RNF126: variants seen among roughly 807,000 people sequenced by gnomAD.
RNF126 encodes ring finger protein 126.
Under a neutral mutation model 41.9 loss-of-function variants are expected in RNF126, and 20 were observed. The ratio of observed to expected loss-of-function variants is 0.48; its 90% CI spans 0.34 to 0.69. The LOEUF is 0.69. Among genes scored for constraint, RNF126 ranks in the 30% least tolerant of loss-of-function variants. RNF126 has a pLI of 0.01. For synonymous variants in RNF126, 239 were observed against 202.9 expected, an observed-to-expected ratio of 1.18 and a Z score of -1.51; for missense variants, 433 against 460.6, an observed-to-expected ratio of 0.94 and a Z score of 0.55.
At chr19:660,638 A>C (rs1242368723) in intron 1 of RNF126, among the ~76,000 whole-genome samples, 1 of 152,090 alleles carries the variant, frequency 6.6e-6, no homozygotes. Flanking sequence ...CAGCATAAAA[A>C]ATTCGTTTTT....
intron 1 of RNF126, among the ~76,000 whole-genome samples, chr19:657,793 C>G (rs1054141364): frequency 2.0e-5 from 3 of 152,198 alleles, no homozygotes; most frequent in Non-Finnish European, 4.4e-5. Flanking sequence ...GCTCTGGTCA[C>G]GAAGGCAAGT....
chr19:648,546 G>T, intron 7 of RNF126, 59 bp from the exon 8 acceptor site: 1 of 1,357,238 alleles, frequency 7.4e-7, no homozygotes, highest in Non-Finnish European at 1.0e-6. Context: ...AGCCTTCAAG[G>T]GCAGGCTACT....
In RNF126 at chr19:650,300, G is replaced by A. The variant is rs778642525; in HGVS notation, c.444-4C>T. On this transcript the variant is annotated splice_polypyrimidine_tract_variant and splice_region_variant and intron_variant, in intron 4 of 8. Coordinates refer to ENST00000292363, the MANE Select transcript of RNF126 (RefSeq NM_194460.3). ...GTTGACGAGCTGCTGGATGATCCTG[G>A]AAAAGAGAGCGCCAGTCACGGGGTG... 2 of 1,576,982 alleles carry A rather than the reference G, an allele frequency of 1.3e-6. No homozygotes were observed. Among genetic ancestry groups the A allele is most frequent in the Non-Finnish European group, 8.6e-7 (1 of 1,162,304 alleles).
In RNF126 at chr19:663,037, C is replaced by T. The variant is rs1396244201; in HGVS notation, c.75+10G>A. ...GACCCTGCCGCCCGCCGCCCCGGCC[C>T]GGGCCTCACCGGCAGGCGCGGGACG... On this transcript the variant is annotated intron_variant, in intron 1 of 8. Transcript: ENST00000292363. 11 of 1,352,128 alleles carry T rather than the reference C, an allele frequency of 8.1e-6. No homozygotes were observed. Among genetic ancestry groups the T allele is most frequent in the African/African-American group, 1.5e-5 (1 of 65,284 alleles). The allele number at this position is 1,352,128 out of a possible 1,614,324, so 83.8% of individuals were successfully genotyped here.
At chr19:656,983 C>G (rs1425683556) in intron 1 of RNF126, among the ~76,000 whole-genome samples, 3 of 152,172 alleles carry the variant, frequency 2.0e-5, no homozygotes, top group Non-Finnish European at 4.4e-5. Flanking sequence ...GGAGGGGTAG[C>G]TCAGGGCTCA....
chr19:661,708 G>C (rs368767739), intron 1 of RNF126, among the ~76,000 whole-genome samples: 2 of 152,164 alleles, frequency 1.3e-5, no homozygotes, highest in African/African-American at 4.8e-5. Context: ...TCTACTCCCG[G>C]GGAACTGCAC....
chr19:659,576 C>A lies in RNF126; in HGVS notation c.75+3471G>T, dbSNP rs562923821. Among the ~76,000 whole-genome samples the A allele has an allele frequency of 1.3e-5, 2 of 152,262 alleles. No individual in the cohort carries two copies. Among genetic ancestry groups the A allele is most frequent in the South Asian group, 2.1e-4 (1 of 4,824 alleles). ...CGCCTGGTTCCTGGGGGCTCAGTGCCCTCAGCAGCTCTCGCCCACACCCTA... is the reference window on the plus strand; with the variant it reads ...CGCCTGGTTCCTGGGGGCTCAGTGCACTCAGCAGCTCTCGCCCACACCCTA... On this transcript the variant is annotated intron_variant, in intron 1 of 8. Coordinates refer to ENST00000292363, the MANE Select transcript of RNF126 (RefSeq NM_194460.3). The surrounding 1 kb of genome is among the most constrained non-coding windows in gnomAD (Gnocchi z 4.9).
chr19:662,981 G>A (rs1353401068), intron 1 of RNF126, 66 bp downstream of exon 1: 3 of 794,682 alleles, frequency 3.8e-6, no homozygotes, highest in Non-Finnish European at 3.4e-6. Context: ...CCCCCACCCC[G>A]GCCCCGGCCT....
At chr19:650,383 G>T in intron 4 of RNF126, 87 bp from the exon 5 acceptor site, 2 of 1,156,086 alleles carry the variant, frequency 1.7e-6, no homozygotes, top group Non-Finnish European at 2.5e-6. Context: ...TGAGCACCAA[G>T]GGCAGGGCCA....
In RNF126 at chr19:647,984, G is replaced by A. The variant is rs761620713; in HGVS notation, c.*144C>T. On this transcript the variant is annotated 3_prime_UTR_variant, in exon 9 of 9. Transcript: ENST00000292363. ...GCCAGGGGGCCGGTGGGCCGGGCCC[G>A]GGTCCTGCCCTGGAACAGGCGGGAC... 55 of 1,050,084 alleles carry A rather than the reference G, an allele frequency of 5.2e-5. No homozygotes were observed. The highest frequency in any genetic ancestry group is 6.4e-5 in the African/African-American group (4 of 62,132). 65.0% of individuals were successfully genotyped at this position (1,050,084 alleles called of 1,614,324 possible).
Position 649,222 on chromosome 19 carries a change from G to GGT in RNF126, c.577-248_577-247insAC, listed in dbSNP as rs1555680170. On this transcript the variant is annotated intron_variant, in intron 6 of 8. Coordinates refer to ENST00000292363, the MANE Select transcript of RNF126 (RefSeq NM_194460.3). Reference sequence around the variant, plus strand: ...CTCCTGGGTCCCTGACAGCGGAATGGGGGGGGGGGCCGCGCTCCTGAGTGC... The same window carrying GGT: ...CTCCTGGGTCCCTGACAGCGGAATGGGTGGGGGGGGGCCGCGCTCCTGAGTGC... 3 of 255,524 alleles carry GGT rather than the reference G, an allele frequency of 1.2e-5. 1 individual carries two copies. 15.8% of individuals were successfully genotyped at this position (255,524 alleles called of 1,614,324 possible). A position where few individuals can be genotyped will look rare whatever the true frequency, so the allele number is the denominator to read the frequency against.
rs559970943 is a variant in RNF126 at position 652,752 on chromosome 19, A to G, written c.134+74T>C. 364 of 1,417,412 alleles carry G rather than the reference A, an allele frequency of 2.6e-4. No homozygotes were observed. In the Middle Eastern group the frequency reaches 2.8e-3, roughly 11 times the overall value. 87.8% of individuals were successfully genotyped at this position (1,417,412 alleles called of 1,614,324 possible). ...CCCCACACTCGGCGGGGCGGACGCC[A>G]GCACAGCCCACACCCCTACAACAGC... On this transcript the variant is annotated intron_variant, in intron 2 of 8. Coordinates refer to ENST00000292363, the MANE Select transcript of RNF126 (RefSeq NM_194460.3).
In RNF126 at chr19:656,138, T is replaced by C. The variant is rs141943222; in HGVS notation, c.76-3254A>G. On this transcript the variant is annotated intron_variant, in intron 1 of 8. Transcript: ENST00000292363. ...CTGTGGTGGTGGTTGCACAACTTTATGAATATACTACAAACGTTTCACCAG... is the reference window on the plus strand; with the variant it reads ...CTGTGGTGGTGGTTGCACAACTTTACGAATATACTACAAACGTTTCACCAG... 1.2e-3 allele frequency among the ~76,000 whole-genome samples: 181 copies of C among 152,210 alleles called. 1 individual carries two copies. The highest frequency in any genetic ancestry group is 4.2e-3 in the African/African-American group (176 of 41,516).
intron 2 of RNF126, 30 bp downstream of exon 2, chr19:652,796 T>C (rs1242959906): frequency 6.2e-7 from 1 of 1,606,342 alleles, no homozygotes; most frequent in Non-Finnish European, 8.5e-7. Flanking sequence ...GGCTGGCTCT[T>C]CCAGCCTCTT....
chr19:661,271 C>T (rs926481024), intron 1 of RNF126: 1 of 152,618 alleles, frequency 6.6e-6, no homozygotes, highest in Non-Finnish European at 1.5e-5. Context: ...GTCGGCCCCC[C>T]ACAGCCACCA....
intron 4 of RNF126, chr19:651,329 G>A (rs1351479571): frequency 1.3e-5 from 4 of 308,380 alleles, no homozygotes; most frequent in African/African-American, 4.4e-5. Context: ...CCTGGACAGC[G>A]TTTGACGACA....
At chr19:653,196 A>C (rs1403297848) in intron 1 of RNF126, among the ~76,000 whole-genome samples, 4 of 151,082 alleles carry the variant, frequency 2.6e-5, no homozygotes, top group African/African-American at 7.4e-5. Flanking sequence ...GACGGGCGTC[A>C]CCAGTGCCTG....
chr19:648,364 G>GC lies in RNF126; in HGVS notation c.786+7dup. ...CGGGGTGGGGGGGCGGGTGGGCGGG[G>GC]CACTCACCTGCTCCAGCCAGGGCAC... On this transcript the variant is annotated splice_region_variant and intron_variant, in intron 8 of 8. Coordinates refer to ENST00000292363, the MANE Select transcript of RNF126 (RefSeq NM_194460.3). 2.0e-5 allele frequency: 10 copies of GC among 510,416 alleles called. No individual in the cohort carries two copies. Among genetic ancestry groups the GC allele is most frequent in the Non-Finnish European group, 3.6e-5 (10 of 278,290 alleles). The allele number at this position is 510,416 out of a possible 1,614,324, so 31.6% of individuals were successfully genotyped here. A position where few individuals can be genotyped will look rare whatever the true frequency, so the allele number is the denominator to read the frequency against.
chr19:660,756 C>T (rs910589532), intron 1 of RNF126, among the ~76,000 whole-genome samples: 2 of 152,208 alleles, frequency 1.3e-5, no homozygotes, highest in Admixed American at 6.5e-5. Context: ...CCTCAGCCCC[C>T]GCCAGTAGCT....
Sources: allele counts gnomAD v4.1 joint callset (sites outside exome capture counted in the v4.1 genomes callset), GRCh38; gene constraint gnomAD v4.1.1; non-coding constraint Gnocchi (gnomAD v3.1); transcripts MANE v1.5; gene names NCBI Gene and HGNC (gene_info 2026-07-23, HGNC 2026-07-21).